The following NTM variants were observed in gnomAD, a reference collection of about 807,000 sequenced individuals.
The protein encoded by NTM is neurotrimin.
A neutral mutation model predicts 42.1 loss-of-function variants in NTM; 13 were observed. The ratio of observed to expected loss-of-function variants is 0.31; its 90% CI spans 0.20 to 0.49. The LOEUF is 0.49. Ranked by LOEUF, NTM falls within the 20% of genes least tolerant of loss-of-function variation. The pLI, the probability that NTM is intolerant of heterozygous loss-of-function variation, is 0.99. For missense variants in NTM, 373 were observed against 452.8 expected (o/e 0.82, Z 1.60); for synonymous variants, 187 against 179.2 (o/e 1.04, Z -0.35).
rs538187564 is a variant in NTM, at chr11:132,016,218, A to G, written c.167+104570A>G. Among the ~76,000 whole-genome samples the G allele has an allele frequency of 4.0e-5, 6 of 151,350 alleles. 1 individual carries two copies. Among genetic ancestry groups the G allele is most frequent in the African/African-American group, 1.5e-4 (6 of 41,366 alleles). The stretch of plus-strand genomic sequence containing the variant: ...GATGTGATATATTGCATTTGTTGAT[A>G]TCGTATGTTGAACAATCAATGATTT... On this transcript the variant is annotated intron_variant, in intron 2 of 8. Coordinates refer to ENST00000683400, the MANE Select transcript of NTM (RefSeq NM_001352005.2).
chr11:132,318,622 G>A (rs1446835646), intron 7 of NTM, among the ~76,000 whole-genome samples: 2 of 152,156 alleles, frequency 1.3e-5, no homozygotes, highest in East Asian at 3.9e-4. Flanking sequence ...AAGCATCCAA[G>A]CAAGCAGTGG....
At chr11:132,234,011 TACA>T (rs1011442272) in intron 4 of NTM, among the ~76,000 whole-genome samples, 32 of 152,200 alleles carry the variant, frequency 2.1e-4, no homozygotes, top group Non-Finnish European at 1.3e-4. Flanking sequence ...CAACCTCAGC[TACA>T]ACAAGACACT....
intron 3 of NTM, among the ~76,000 whole-genome samples, chr11:132,154,013 C>T (rs1222377599): frequency 6.6e-6 from 1 of 152,140 alleles, no homozygotes; most frequent in Non-Finnish European, 1.5e-5. Flanking sequence ...GCATCCCAAA[C>T]AGGATCAATC....
At chr11:131,565,001 G>A (rs1057167343) in intron 1 of NTM, among the ~76,000 whole-genome samples, 4 of 152,182 alleles carry the variant, frequency 2.6e-5, no homozygotes, top group African/African-American at 7.2e-5. Flanking sequence ...ACCGCCATGC[G>A]GTATGGGACA....
intron 1 of NTM, among the ~76,000 whole-genome samples, chr11:131,462,146 T>G (rs1464501931): frequency 6.6e-6 from 1 of 152,194 alleles, no homozygotes; most frequent in African/African-American, 2.4e-5. Flanking sequence ...GAGCCTTAAA[T>G]GCAGATCCAA....
At chr11:131,983,200 G>C (rs1269894261) in intron 2 of NTM, among the ~76,000 whole-genome samples, 1 of 152,032 alleles carries the variant, frequency 6.6e-6, no homozygotes, top group African/African-American at 2.4e-5. Context: ...AACCTGTATT[G>C]TACCTTCAAT....
At position 132,325,711 on chromosome 11, in the gene NTM, C is replaced by T. The variant is rs374563908; in HGVS notation, c.935-4442C>T. 2.0e-3 allele frequency among the ~76,000 whole-genome samples: 301 copies of T among 152,250 alleles called. 2 individuals are homozygous for T. The highest frequency in any genetic ancestry group is 4.2e-3 in the African/African-American group (173 of 41,544). On this transcript the variant is annotated intron_variant, in intron 7 of 8. Coordinates refer to ENST00000683400, the MANE Select transcript of NTM (RefSeq NM_001352005.2). The stretch of plus-strand genomic sequence containing the variant: ...TAAATCATGCTGCTATAAAGACACA[C>T]GCACACATATGTTTATTGTGGCACT...
At chr11:132,069,917 C>G (rs1232776737) in intron 2 of NTM, among the ~76,000 whole-genome samples, 1 of 144,628 alleles carries the variant, frequency 6.9e-6, no homozygotes. Flanking sequence ...AGCCAAAACA[C>G]GTCAAACTGA....
chr11:131,869,428 C>G (rs985576449), intron 1 of NTM, among the ~76,000 whole-genome samples: 1 of 152,216 alleles, frequency 6.6e-6, no homozygotes. Context: ...GATGTGGAAG[C>G]AATATAAGAG....
intron 4 of NTM, chr11:132,284,158 A>AG (rs2094127086): frequency 6.6e-6 from 1 of 152,236 alleles, no homozygotes; most frequent in African/African-American, 2.4e-5. Context: ...AAACCCTCCA[A>AG]GGTGAGCCCC....
At chr11:132,081,157 T>C (rs1472084288) in intron 2 of NTM, among the ~76,000 whole-genome samples, 3 of 152,246 alleles carry the variant, frequency 2.0e-5, no homozygotes, top group African/African-American at 7.2e-5. Flanking sequence ...AGACTTCATC[T>C]GGGCCTTGGA....
At chr11:131,550,500 G>A (rs1012169050) in intron 1 of NTM, among the ~76,000 whole-genome samples, 1 of 152,088 alleles carries the variant, frequency 6.6e-6, no homozygotes, top group Non-Finnish European at 1.5e-5. Context: ...TTGTTTCAAG[G>A]TATGCAGCAC....
chr11:131,855,430 T>C (rs979462975), intron 1 of NTM, among the ~76,000 whole-genome samples: 1 of 152,218 alleles, frequency 6.6e-6, no homozygotes, highest in Admixed American at 6.5e-5. Flanking sequence ...AATTTTCACA[T>C]CTTAAATTCC....
rs76547338 is a variant in NTM, at chr11:131,872,675, G to A, written c.83-38889G>A. Among the ~76,000 whole-genome samples, 416 of 152,254 alleles carry A rather than the reference G, an allele frequency of 2.7e-3. 5 individuals carry two copies. Among genetic ancestry groups the A allele is most frequent in the African/African-American group, 9.4e-3 (391 of 41,544 alleles). ...TGGAATTGTAGTATTTTAAGAGCCCGTCTAATTTGGTGATTCATATTTTTA... is the reference window on the plus strand; with the variant it reads ...TGGAATTGTAGTATTTTAAGAGCCCATCTAATTTGGTGATTCATATTTTTA... On this transcript the variant is annotated intron_variant, in intron 1 of 8. Transcript: ENST00000683400.
At chr11:131,410,534 A>AC (rs1565473888) in intron 1 of NTM, among the ~76,000 whole-genome samples, 1 of 149,352 alleles carries the variant, frequency 6.7e-6, no homozygotes, top group African/African-American at 2.4e-5. Flanking sequence ...AAAAAAAAAA[A>AC]AAAAAAAAAC....
chr11:132,033,918 C>T lies in NTM; in HGVS notation c.168-112364C>T, dbSNP rs374040138. ...GTGGTTAGTCTTCATTAGGTTTTGA[C>T]AAACTGGTCATTACAACCTGTCTAC... On this transcript the variant is annotated intron_variant, in intron 2 of 8. Transcript: ENST00000683400. Among the ~76,000 whole-genome samples the T allele has an allele frequency of 1.1e-3, 174 of 152,288 alleles. 2 individuals carry two copies. The highest frequency in any genetic ancestry group is 6.8e-3 in the Middle Eastern group (2 of 294).
intron 2 of NTM, among the ~76,000 whole-genome samples, chr11:132,128,865 G>C (rs777834657): frequency 2.0e-5 from 3 of 149,494 alleles, no homozygotes; most frequent in Non-Finnish European, 4.4e-5. Flanking sequence ...ATGAATCCGG[G>C]AGGCAGAGTT....
At chr11:131,913,146 G>C (rs958952792) in intron 2 of NTM, among the ~76,000 whole-genome samples, 1 of 152,164 alleles carries the variant, frequency 6.6e-6, no homozygotes, top group East Asian at 1.9e-4. Context: ...CAAATATGCA[G>C]TGATTTCAGA....
intron 4 of NTM, among the ~76,000 whole-genome samples, chr11:132,275,749 TG>T (rs1565363348): frequency 4.8e-5 from 1 of 20,738 alleles, no homozygotes; most frequent in Non-Finnish European, 9.4e-5. Flanking sequence ...TATATATATG[TG>T]TATATATATA....
Sources: gnomAD v4.1 joint callset for allele counts (sites outside exome capture counted in the v4.1 genomes callset) on GRCh38, gnomAD v4.1.1 for gene constraint, MANE v1.5 for transcripts, NCBI Gene and HGNC (gene_info 2026-07-23, HGNC 2026-07-21) for gene names.